CTBP1: variants seen among roughly 807,000 people sequenced by gnomAD.
The protein encoded by CTBP1 is C-terminal-binding protein 1.
A neutral mutation model predicts 42.1 loss-of-function variants in CTBP1; 11 were observed. That is an observed-to-expected ratio of 0.26 (90% CI 0.16 to 0.43). CTBP1 has a LOEUF of 0.43. Ranked by LOEUF, CTBP1 falls within the 20% of genes least tolerant of loss-of-function variation. The pLI is 1.00. For missense variants in CTBP1, 399 were observed against 624.3 expected, an observed-to-expected ratio of 0.64 and a Z score of 3.85; for synonymous variants, 324 against 277.1, an observed-to-expected ratio of 1.17 and a Z score of -1.68.
At chr4:1,230,245 C>T (rs1730823521) in intron 3 of CTBP1, among the ~76,000 whole-genome samples, 1 of 152,146 alleles carries the variant, frequency 6.6e-6, no homozygotes, top group Admixed American at 6.5e-5. Flanking sequence ...ACAGCATGGG[C>T]AGGCAGAGGC....
chr4:1,214,223 G>T, intron 7 of CTBP1, 120 bp downstream of exon 7: 1 of 1,296,500 alleles, frequency 7.7e-7, no homozygotes, highest in Non-Finnish European at 1.0e-6. Context: ...CCCACTGCTG[G>T]CCAGCGAGAG....
chr4:1,212,337 TG>T lies in CTBP1; in HGVS notation c.1192del (p.His398ThrfsTer104). 1 of 1,519,940 alleles carries T rather than the reference TG, an allele frequency of 6.6e-7. No homozygotes were observed. Among genetic ancestry groups the T allele is most frequent in the Non-Finnish European group, 8.8e-7 (1 of 1,138,626 alleles). The allele number at this position is 1,519,940 out of a possible 1,614,324, so 94.2% of individuals were successfully genotyped here. A position where few individuals can be genotyped will look rare whatever the true frequency, so the allele number is the denominator to read the frequency against. On this transcript the variant is annotated frameshift_variant, in exon 10 of 10. Coordinates refer to ENST00000382952, the MANE Select transcript of CTBP1 (RefSeq NM_001012614.2). LOFTEE classifies it high-confidence loss of function. ...CGGGTGGGCCACAGGGGGCAGGCCG[TG>T]GGACAGGGACATGGCGCTGGGGACG... is the stretch of plus-strand genomic sequence containing the variant. Reference protein sequence around the residue: ...GIVPSAMSLSHGLPPVAHPPH... With the variant: ...GIVPSAMSLSXGLPPVAHPPH...
At chr4:1,248,131 G>A (rs1176898600) in intron 1 of CTBP1, among the ~76,000 whole-genome samples, 1 of 152,056 alleles carries the variant, frequency 6.6e-6, no homozygotes, top group Non-Finnish European at 1.5e-5. Context: ...CTGCAAGATG[G>A]CGATGGTGGC....
chr4:1,213,124 G>T, intron 8 of CTBP1, 94 bp from the exon 9 acceptor site: 1 of 1,096,418 alleles, frequency 9.1e-7, no homozygotes, highest in Non-Finnish European at 1.4e-6. Flanking sequence ...AGGATTCTTG[G>T]CAGTGTGCTC....
At position 1,238,335 on chromosome 4, in the gene CTBP1, C is replaced by T. The variant is rs563992643; in HGVS notation, c.10G>A (p.Val4Ile). ...GGCCCGTTCATGATCGGAGGTCGGA[C>T]GCCTGCAAGACAGAGGCAAGTGCTC... MSG[V>I]RPPIMNGPLH... Residue 4 changes from valine to isoleucine, a missense_variant and splice_region_variant, in exon 3 of 10, where the codon GTC (valine) becomes ATC (isoleucine). Physicochemically the swap from Val to Ile is conservative, Grantham distance 29. Coordinates refer to ENST00000382952, the MANE Select transcript of CTBP1 (RefSeq NM_001012614.2). This position sits in a 1 kb window ranked among gnomAD's most constrained non-coding sequence, Gnocchi z 5.9. The T allele has an allele frequency of 2.2e-5, 34 of 1,562,588 alleles. No individual in the cohort carries two copies. Among genetic ancestry groups the T allele is most frequent in the South Asian group, 3.5e-5 (3 of 84,590 alleles).
chr4:1,241,680 G>A, intron 1 of CTBP1, 161 bp from the exon 2 acceptor site: 1 of 1,275,658 alleles, frequency 7.8e-7, no homozygotes. Context: ...GACAGCCAGG[G>A]GCCCCGGCTC....
chr4:1,225,281 C>A (rs1730207911), intron 5 of CTBP1, 79 bp downstream of exon 5: 4 of 1,462,470 alleles, frequency 2.7e-6, no homozygotes, highest in Non-Finnish European at 3.6e-6. Flanking sequence ...CGCCCCGGGC[C>A]TCTCCTCCTG....
intron 8 of CTBP1, among the ~76,000 whole-genome samples, 171 bp from the exon 9 acceptor site, chr4:1,213,201 G>C (rs997196869): frequency 7.9e-5 from 12 of 152,088 alleles, no homozygotes; most frequent in African/African-American, 1.2e-4. Flanking sequence ...TGGCACCCTT[G>C]CAGCGTGGGG....
intron 1 of CTBP1, chr4:1,243,868 G>C (rs565413363): frequency 1.0e-6 from 1 of 985,320 alleles, no homozygotes; most frequent in African/African-American, 1.7e-5. Flanking sequence ...TCAGCCCAGC[G>C]ACACGAGGAC....
chr4:1,228,178 G>A (rs1560255171), intron 4 of CTBP1, 21 bp downstream of exon 4: 7 of 1,613,420 alleles, frequency 4.3e-6, no homozygotes, highest in Non-Finnish European at 5.9e-6. Context: ...GGGCACAGGA[G>A]AGAACTCGGA....
At chr4:1,220,008 C>A (rs1729556221) in intron 5 of CTBP1, among the ~76,000 whole-genome samples, 1 of 152,150 alleles carries the variant, frequency 6.6e-6, no homozygotes, top group South Asian at 2.1e-4. Context: ...GGAGTTCGAG[C>A]CTGGCCAACA....
At chr4:1,232,799 A>G (rs1731095956) in intron 3 of CTBP1, 1 of 152,212 alleles carries the variant, frequency 6.6e-6, no homozygotes. Context: ...GGCAGCGAGC[A>G]TCTGTGGTGG....
rs757736562 is a variant in CTBP1 at position 1,212,904 on chromosome 4, C to T, written c.1106+9G>A. The stretch of plus-strand genomic sequence containing the variant: ...CTGGAGGCTGTTCTGGGCCAGCGGG[C>T]CTGCTCACCTATAGGCAGCCCCATT... On this transcript the variant is annotated intron_variant, in intron 9 of 9. Coordinates refer to ENST00000382952, the MANE Select transcript of CTBP1 (RefSeq NM_001012614.2). 7 of 1,610,316 alleles carry T rather than the reference C, an allele frequency of 4.3e-6. No homozygotes were observed. Among genetic ancestry groups the T allele is most frequent in the Middle Eastern group, 1.7e-4 (1 of 5,990 alleles).
At chr4:1,216,351 C>T (rs914424653) in intron 5 of CTBP1, 146 bp from the exon 6 acceptor site, 5 of 787,146 alleles carry the variant, frequency 6.4e-6, no homozygotes, top group South Asian at 3.5e-5. Context: ...AAGGTGCCCA[C>T]GCACGCTCCA....
chr4:1,236,357 C>T (rs1489605033), intron 3 of CTBP1: 1 of 464,042 alleles, frequency 2.2e-6, no homozygotes, highest in East Asian at 3.9e-5. Flanking sequence ...AAAGGCTGCT[C>T]ACTGCTGGAC....
chr4:1,223,994 C>T (rs1730032967), intron 5 of CTBP1, among the ~76,000 whole-genome samples: 1 of 152,204 alleles, frequency 6.6e-6, no homozygotes, highest in Non-Finnish European at 1.5e-5. Flanking sequence ...GCAAACCACT[C>T]CCCGGGGATA....
chr4:1,213,075 C>T, intron 8 of CTBP1, 45 bp from the exon 9 acceptor site: 1 of 1,557,438 alleles, frequency 6.4e-7, no homozygotes, highest in Non-Finnish European at 8.8e-7. Flanking sequence ...CTGAGGGGGC[C>T]CCAGGAGCGT....
At chr4:1,242,097 A>G in intron 1 of CTBP1, 1 of 985,266 alleles carries the variant, frequency 1.0e-6, no homozygotes, top group Non-Finnish European at 1.2e-6. Flanking sequence ...ACGCTCCCTC[A>G]ATTCTCCCAA....
intron 5 of CTBP1, chr4:1,223,604 C>T (rs553989992): frequency 1.1e-4 from 46 of 415,346 alleles, no homozygotes; most frequent in Non-Finnish European, 1.8e-4. Flanking sequence ...CTGAGGAACC[C>T]GCGATCTGGG....
Sources: allele counts gnomAD v4.1 joint callset (sites outside exome capture counted in the v4.1 genomes callset), GRCh38; gene constraint gnomAD v4.1.1; non-coding constraint Gnocchi (gnomAD v3.1); transcripts MANE v1.5; gene names NCBI Gene and HGNC (gene_info 2026-07-23, HGNC 2026-07-21).